The following NSUN6 variants were observed in gnomAD, a reference collection of about 807,000 sequenced individuals.
The protein encoded by NSUN6 is NOP2/Sun RNA methyltransferase 6, also known as tRNA (cytosine(72)-C(5))-methyltransferase NSUN6.
Under a neutral mutation model 58.0 loss-of-function variants are expected in NSUN6, and 64 were observed. The ratio of observed to expected loss-of-function variants is 1.10; its 90% CI spans 0.90 to 1.36. The LOEUF (loss-of-function observed/expected upper bound fraction) is 1.36, where lower values mean the gene tolerates loss of function less well. Ranked by LOEUF, NSUN6 falls within the 40% of genes most tolerant of loss-of-function variation. The probability of loss-of-function intolerance (pLI) is 0.00; values close to 1 mark genes in which losing one functional copy is unlikely to be tolerated. For missense variants in NSUN6, 701 were observed against 550.1 expected (o/e 1.27, Z -2.74); for synonymous variants, 231 against 193.9 (o/e 1.19, Z -1.59).
At chr10:18,559,687 T>C (rs542643806) in intron 8 of NSUN6, among the ~76,000 whole-genome samples, 15 of 146,108 alleles carry the variant, frequency 1.0e-4, no homozygotes, top group South Asian at 4.3e-4. Context: ...ATGTAATGCA[T>C]TGGAATATGG....
At chr10:18,589,435 C>T (rs1187015035) in intron 7 of NSUN6, among the ~76,000 whole-genome samples, 2 of 152,070 alleles carry the variant, frequency 1.3e-5, no homozygotes, top group Admixed American at 6.6e-5. Context: ...TAAGATACCC[C>T]TCAAGAAGAG....
At chr10:18,592,184 A>G (rs971143059) in intron 7 of NSUN6, among the ~76,000 whole-genome samples, 2 of 152,208 alleles carry the variant, frequency 1.3e-5, no homozygotes, top group African/African-American at 4.8e-5. Context: ...TACCCCTTCA[A>G]GAAGAACTGC....
intron 3 of NSUN6, among the ~76,000 whole-genome samples, chr10:18,633,856 A>C (rs548293820): frequency 6.6e-6 from 1 of 152,322 alleles, no homozygotes; most frequent in Admixed American, 6.5e-5. Context: ...CAAATTAAAC[A>C]AATAAGAAAG....
intron 8 of NSUN6, among the ~76,000 whole-genome samples, chr10:18,573,109 C>T (rs1050585298): frequency 6.7e-6 from 1 of 150,054 alleles, no homozygotes; most frequent in Non-Finnish European, 1.5e-5. Context: ...TCCTCCGTTA[C>T]ACTCCATTCC....
chr10:18,645,689 T>C (rs1564846504), intron 2 of NSUN6, among the ~76,000 whole-genome samples: 2 of 152,218 alleles, frequency 1.3e-5, no homozygotes, highest in Non-Finnish European at 2.9e-5. Flanking sequence ...CTATGAACAT[T>C]CATGCTGGAG....
intron 3 of NSUN6, among the ~76,000 whole-genome samples, chr10:18,628,501 C>A (rs1265511005): frequency 6.6e-6 from 1 of 152,056 alleles, no homozygotes; most frequent in African/African-American, 2.4e-5. Context: ...AAGTTGAAAA[C>A]TTTGAAAAAA....
Position 18,548,135 on chromosome 10 carries a change from G to C in NSUN6, c.1174C>G (p.Pro392Ala), listed in dbSNP as rs867410434. The change falls in exon 10 of 11, where the codon CCT becomes GCT. Residue 392 changes from proline to alanine, a missense_variant. Coordinates refer to ENST00000377304, the MANE Select transcript of NSUN6 (RefSeq NM_182543.5). ...EQVAWALTKF[P>A]CLQLQPQEPQ... ...ACCTGGGGCTGAAGCTGAAGGCAAG[G>C]AAATTTTGTCAGGGCCCAGGCAACC... is the stretch of plus-strand genomic sequence containing the variant. The C allele has an allele frequency of 3.7e-6, 6 of 1,613,862 alleles. No homozygotes were observed. The highest frequency in any genetic ancestry group is 1.1e-5 in the South Asian group (1 of 91,030).
chr10:18,640,143 A>C (rs775455324), intron 3 of NSUN6, among the ~76,000 whole-genome samples: 1 of 152,262 alleles, frequency 6.6e-6, no homozygotes, highest in Non-Finnish European at 1.5e-5. Flanking sequence ...ATACATTTTT[A>C]AGTGAACACA....
At chr10:18,610,042 A>C (rs2058177499) in intron 5 of NSUN6, 116 bp from the exon 6 acceptor site, 3 of 688,060 alleles carry the variant, frequency 4.4e-6, no homozygotes, top group Non-Finnish European at 7.8e-6. Context: ...TCTTTTTAAG[A>C]ACTATTTTGG....
chr10:18,562,782 T>TGGAAC (rs2055625992), intron 8 of NSUN6, among the ~76,000 whole-genome samples: 1 of 42,314 alleles, frequency 2.4e-5, no homozygotes, highest in Non-Finnish European at 4.6e-5. Context: ...GAATGGATAA[T>TGGAAC]GGAATGGAAT....
upstream of NSUN6, chr10:18,655,160 C>T: frequency 1.0e-6 from 1 of 982,972 alleles, no homozygotes; most frequent in South Asian, 4.7e-5. Context: ...CTTTATCTTG[C>T]TCGTATCCTT....
chr10:18,627,915 G>T (rs2058879832), intron 3 of NSUN6, among the ~76,000 whole-genome samples: 1 of 152,238 alleles, frequency 6.6e-6, no homozygotes, highest in African/African-American at 2.4e-5. Context: ...CACAGCTCAA[G>T]GAGGCCTGCC....
In NSUN6 at chr10:18,614,615, TAGAG is replaced by T; in HGVS notation, c.422-6_422-3del. 7.3e-7 allele frequency: 1 copy of T among 1,364,078 alleles called. No individual in the cohort carries two copies. The highest frequency in any genetic ancestry group is 9.8e-7 in the Non-Finnish European group (1 of 1,018,606). The allele number at this position is 1,364,078 out of a possible 1,614,324, so 84.5% of individuals were successfully genotyped here. A position where few individuals can be genotyped will look rare whatever the true frequency, so the allele number is the denominator to read the frequency against. On this transcript the variant is annotated splice_region_variant and splice_polypyrimidine_tract_variant and intron_variant, in intron 4 of 10. Transcript: ENST00000377304. ...AAATAACATCTCCAGCTTTCATAAC[TAGAG>T]AAAGAAGAAAATCAGATTACACTGA... is the stretch of plus-strand genomic sequence containing the variant.
intron 7 of NSUN6, among the ~76,000 whole-genome samples, chr10:18,587,019 A>G (rs1277956108): frequency 6.6e-6 from 1 of 152,084 alleles, no homozygotes; most frequent in Non-Finnish European, 1.5e-5. Context: ...CCTCTCATGT[A>G]TATCCAATTC....
intron 8 of NSUN6, among the ~76,000 whole-genome samples, chr10:18,556,029 G>C (rs943975501): frequency 6.6e-6 from 1 of 151,342 alleles, no homozygotes; most frequent in Non-Finnish European, 1.5e-5. Flanking sequence ...ATGAAGACTG[G>C]AATGGAGAAT....
At chr10:18,641,252 A>G (rs562291077) in intron 3 of NSUN6, among the ~76,000 whole-genome samples, 35 of 152,180 alleles carry the variant, frequency 2.3e-4, no homozygotes, top group African/African-American at 8.2e-4. Flanking sequence ...AAGCATTTCT[A>G]TATTTATTAT....
At chr10:18,562,090 G>A (rs747253773) in intron 8 of NSUN6, among the ~76,000 whole-genome samples, 3 of 150,994 alleles carry the variant, frequency 2.0e-5, no homozygotes, top group Non-Finnish European at 4.4e-5. Context: ...GTGGAGAATG[G>A]AGTGGAATGG....
chr10:18,598,715 G>A (rs763936982), intron 6 of NSUN6, among the ~76,000 whole-genome samples: 6 of 152,140 alleles, frequency 3.9e-5, no homozygotes, highest in Non-Finnish European at 7.4e-5. Flanking sequence ...AGCTGCCCAC[G>A]TAGGCCTCCC....
chr10:18,588,505 C>T (rs561100761), intron 7 of NSUN6, among the ~76,000 whole-genome samples: 18 of 152,154 alleles, frequency 1.2e-4, no homozygotes, highest in Non-Finnish European at 1.8e-4. Context: ...CAACAGGGGT[C>T]GACAGACACC....
Sources: gnomAD v4.1 joint callset for allele counts (sites outside exome capture counted in the v4.1 genomes callset) on GRCh38, gnomAD v4.1.1 for gene constraint, MANE v1.5 for transcripts, NCBI Gene and HGNC (gene_info 2026-07-23, HGNC 2026-07-21) for gene names.